Variants in RIMKLB observed in about 807,000 individuals in gnomAD.
RIMKLB encodes ribosomal modification protein rimK like family member B, also known as beta-citrylglutamate synthase B.
RIMKLB carries 7 observed loss-of-function variants against 32.0 expected under a neutral mutation model. The observed-to-expected ratio is 0.22, with a 90% CI of 0.12 to 0.41. The LOEUF (loss-of-function observed/expected upper bound fraction) is 0.41, where lower values mean the gene tolerates loss of function less well. Among genes scored for constraint, RIMKLB ranks in the 10% least tolerant of loss-of-function variants. RIMKLB has a pLI of 1.00. For synonymous variants in RIMKLB, 172 were observed against 185.1 expected (o/e 0.93, Z 0.57); for missense variants, 289 against 498.7 (o/e 0.58, Z 4.00).
intron 2 of RIMKLB, among the ~76,000 whole-genome samples, chr12:8,723,377 T>C (rs1294978379): frequency 6.6e-6 from 1 of 152,144 alleles, no homozygotes. Flanking sequence ...GCAGTTAGTG[T>C]CGCCCATTTA....
downstream of RIMKLB, chr12:8,777,733 A>G (rs923860428): frequency 2.9e-5 from 36 of 1,243,660 alleles, no homozygotes; most frequent in African/African-American, 3.0e-4. Flanking sequence ...CCTTCCCCCA[A>G]TAATGCAGCT....
intron 2 of RIMKLB, among the ~76,000 whole-genome samples, chr12:8,730,230 C>T (rs1332416222): frequency 6.6e-6 from 1 of 152,162 alleles, no homozygotes; most frequent in Non-Finnish European, 1.5e-5. Context: ...AGACTGCAGG[C>T]ATGCATCACC....
rs780430646 is a variant in RIMKLB at position 8,775,346 on chromosome 12, C to T, written c.*1562C>T. The T allele has an allele frequency of 1.0e-6, 1 of 985,326 alleles. No individual in the cohort carries two copies. Among genetic ancestry groups the T allele is most frequent in the African/African-American group, 1.7e-5 (1 of 57,322 alleles). The allele number at this position is 985,326 out of a possible 1,614,324, so 61.0% of individuals were successfully genotyped here. A position where few individuals can be genotyped will look rare whatever the true frequency, so the allele number is the denominator to read the frequency against. On this transcript the variant is annotated 3_prime_UTR_variant, in exon 6 of 6. Coordinates refer to ENST00000535829, the MANE Select transcript of RIMKLB (RefSeq NM_001297776.2). ...TTACTTGCAGAATTTATAAAAGCCC[C>T]CAAACTGCATATAATATGAGCCTTT...
intron 1 of RIMKLB, among the ~76,000 whole-genome samples, chr12:8,689,784 G>A (rs1281500700): frequency 6.6e-6 from 1 of 152,082 alleles, no homozygotes. Context: ...CTGGGAGAAC[G>A]CAGGCTGGGT....
In RIMKLB at chr12:8,775,997, TGAG is replaced by T; in HGVS notation, c.*2216_*2218del. 1 of 984,248 alleles carries T rather than the reference TGAG, an allele frequency of 1.0e-6. No homozygotes were observed. The highest frequency in any genetic ancestry group is 1.2e-6 in the Non-Finnish European group (1 of 828,904). The allele number at this position is 984,248 out of a possible 1,614,324, so 61.0% of individuals were successfully genotyped here. A position where few individuals can be genotyped will look rare whatever the true frequency, so the allele number is the denominator to read the frequency against. The stretch of plus-strand genomic sequence containing the variant: ...ATACTATTTGGTATAGAGAAATAAA[TGAG>T]GAAGAAAGAACTGCTTAATTAAATT... On this transcript the variant is annotated 3_prime_UTR_variant, in exon 6 of 6. Transcript: ENST00000535829.
chr12:8,676,332 C>T, the RIMKLB span, among the ~76,000 whole-genome samples: 3 of 150,216 alleles, frequency 2.0e-5, no homozygotes, highest in African/African-American at 4.9e-5. Flanking sequence ...TCTTGGCCTC[C>T]CAAAGTACTA....
chr12:8,777,211 CTTTCTT>C (rs1265473327), downstream of RIMKLB: 11 of 483,460 alleles, frequency 2.3e-5, no homozygotes, highest in African/African-American at 4.0e-4. Flanking sequence ...TGCTTGCTTG[CTTTCTT>C]TTTTTTTTTT....
chr12:8,671,074 G>A, the RIMKLB span, among the ~76,000 whole-genome samples: 1 of 152,022 alleles, frequency 6.6e-6, no homozygotes, highest in Non-Finnish European at 1.5e-5. Flanking sequence ...CCCAGCTCAT[G>A]AAACCACAAT....
chr12:8,763,606 T>G (rs975841441), intron 5 of RIMKLB, among the ~76,000 whole-genome samples: 1 of 152,256 alleles, frequency 6.6e-6, no homozygotes, highest in African/African-American at 2.4e-5. Flanking sequence ...ATTTTAGCCC[T>G]AAGTATTTAA....
At chr12:8,708,216 A>T (rs923239502) in intron 1 of RIMKLB, among the ~76,000 whole-genome samples, 2 of 151,712 alleles carry the variant, frequency 1.3e-5, no homozygotes, top group African/African-American at 4.8e-5. Context: ...ATTTTTCTTC[A>T]GTATTTGGGA....
intron 5 of RIMKLB, among the ~76,000 whole-genome samples, chr12:8,764,857 T>C (rs746002409): frequency 1.3e-5 from 2 of 151,880 alleles, no homozygotes; most frequent in South Asian, 2.1e-4. Flanking sequence ...AAGCAAGCCC[T>C]ATTAGGCGTT....
intron 2 of RIMKLB, among the ~76,000 whole-genome samples, chr12:8,739,901 G>A (rs955880832): frequency 3.4e-4 from 52 of 152,134 alleles, no homozygotes; most frequent in African/African-American, 1.1e-3. Flanking sequence ...GATGACTGAT[G>A]TATTTATATT....
At chr12:8,770,111 T>G (rs1950286678) in intron 5 of RIMKLB, among the ~76,000 whole-genome samples, 1 of 152,114 alleles carries the variant, frequency 6.6e-6, no homozygotes, top group Non-Finnish European at 1.5e-5. Context: ...TGCAGGCACC[T>G]GCCACCACAC....
At chr12:8,684,653 G>A (rs1942514024) in intron 1 of RIMKLB, among the ~76,000 whole-genome samples, 1 of 151,958 alleles carries the variant, frequency 6.6e-6, no homozygotes, top group South Asian at 2.1e-4. Flanking sequence ...TTGAGACAGA[G>A]TCTCACCCTG....
intron 1 of RIMKLB, among the ~76,000 whole-genome samples, chr12:8,705,666 A>G (rs1291530198): frequency 6.6e-6 from 1 of 152,140 alleles, no homozygotes; most frequent in Non-Finnish European, 1.5e-5. Flanking sequence ...ATATGTTTAT[A>G]TATGTATTTT....
downstream of RIMKLB, chr12:8,779,314 A>G (rs1950905883): frequency 6.6e-6 from 1 of 151,920 alleles, no homozygotes; most frequent in Admixed American, 6.6e-5. Flanking sequence ...CCTGGCTGCT[A>G]TTGTGGGGTT....
chr12:8,693,379 T>G (rs1350799227), upstream of RIMKLB, among the ~76,000 whole-genome samples: 1 of 150,932 alleles, frequency 6.6e-6, no homozygotes, highest in Non-Finnish European at 1.5e-5. Context: ...CTGCAATTTG[T>G]TTTCTTTTTC....
intron 2 of RIMKLB, among the ~76,000 whole-genome samples, chr12:8,715,319 G>A (rs1469231789): frequency 1.3e-5 from 2 of 149,830 alleles, no homozygotes; most frequent in African/African-American, 5.0e-5. Context: ...CTGCCTCCCA[G>A]GTTCAAGTAA....
At chr12:8,696,457 C>T (rs952936170), upstream of RIMKLB, among the ~76,000 whole-genome samples, 4 of 152,216 alleles carry the variant, frequency 2.6e-5, no homozygotes, top group African/African-American at 9.7e-5. Flanking sequence ...ACTGACCTAA[C>T]ATTATAATAG....
Sources: allele counts gnomAD v4.1 joint callset (sites outside exome capture counted in the v4.1 genomes callset), GRCh38; gene constraint gnomAD v4.1.1; transcripts MANE v1.5; gene names NCBI Gene and HGNC (gene_info 2026-07-23, HGNC 2026-07-21).